The following FLVCR2 variants were observed in gnomAD, a reference collection of about 807,000 sequenced individuals.
FLVCR2 encodes FLVCR choline and putative heme transporter 2.
In FLVCR2, 38 loss-of-function variants were observed where a neutral mutation model predicts 48.9. The observed-to-expected ratio is 0.78, with a 90% CI of 0.60 to 1.02. The LOEUF (loss-of-function observed/expected upper bound fraction) is 1.02, where lower values mean the gene tolerates loss of function less well. Among genes scored for constraint, FLVCR2 ranks in the 50% least tolerant of loss-of-function variants. The pLI, the probability that FLVCR2 is intolerant of heterozygous loss-of-function variation, is 0.00. For synonymous variants in FLVCR2, 255 were observed against 257.0 expected (o/e 0.99, Z 0.07); for missense variants, 664 against 663.3 (o/e 1.00, Z -0.01).
intron 6 of FLVCR2, among the ~76,000 whole-genome samples, 162 bp downstream of exon 6, chr14:75,639,624 C>T (rs1890259099): frequency 6.6e-6 from 1 of 152,112 alleles, no homozygotes; most frequent in Non-Finnish European, 1.5e-5. Flanking sequence ...GTAGTACTTC[C>T]AAAGGCAGCC....
Position 75,646,549 on chromosome 14 carries a change from G to A in FLVCR2, c.*77G>A. On this transcript the variant is annotated 3_prime_UTR_variant, in exon 10 of 10. Coordinates refer to ENST00000238667, the MANE Select transcript of FLVCR2 (RefSeq NM_017791.3). ...GCACAGCTCTCACCGCCAGCACAAA[G>A]GGCTTCGCTAGAGATGTTTTTGGAG... 9.7e-7 allele frequency: 1 copy of A among 1,032,786 alleles called. No homozygotes were observed. The highest frequency in any genetic ancestry group is 1.6e-5 in the African/African-American group (1 of 63,744). 64.0% of individuals were successfully genotyped at this position (1,032,786 alleles called of 1,614,324 possible).
chr14:75,596,285 A>G (rs1278824445), intron 1 of FLVCR2: 2 of 498,438 alleles, frequency 4.0e-6, no homozygotes, highest in African/African-American at 1.9e-5. Context: ...GCATTGGAGG[A>G]GAGTAGACAA....
At chr14:75,623,876 CCT>C (rs1292577256) in intron 2 of FLVCR2, among the ~76,000 whole-genome samples, 1 of 152,020 alleles carries the variant, frequency 6.6e-6, no homozygotes, top group African/African-American at 2.4e-5. Flanking sequence ...AATAGTGAAA[CCT>C]CGTCTCTACT....
chr14:75,646,826 A>G lies in FLVCR2; in HGVS notation c.*354A>G. The G allele has an allele frequency of 5.7e-6, 2 of 351,648 alleles. No homozygotes were observed. Among genetic ancestry groups the G allele is most frequent in the South Asian group, 4.7e-5 (2 of 42,414 alleles). The allele number at this position is 351,648 out of a possible 1,614,324, so 21.8% of individuals were successfully genotyped here. A position where few individuals can be genotyped will look rare whatever the true frequency, so the allele number is the denominator to read the frequency against. The stretch of plus-strand genomic sequence containing the variant: ...CGTGGACAATGCCTGCAAAATTTTC[A>G]CAGGAAGAAAGCCTATTCAGGATAT... On this transcript the variant is annotated 3_prime_UTR_variant, in exon 10 of 10. Coordinates refer to ENST00000238667, the MANE Select transcript of FLVCR2 (RefSeq NM_017791.3).
chr14:75,640,783 G>T, intron 6 of FLVCR2, 172 bp from the exon 7 acceptor site: 1 of 662,798 alleles, frequency 1.5e-6, no homozygotes, highest in East Asian at 2.7e-5. Context: ...CTTCAGGGGT[G>T]CCCGTCTCCT....
rs572536515 is a variant in FLVCR2, at chr14:75,585,755, G to A, written c.669+6114G>A. ...AACACCAAGGGAAGGCTGCCTTCCC[G>A]AGTCCATGACCGGTGCCGGAGTTTT... On this transcript the variant is annotated intron_variant, in intron 1 of 9. Transcript: ENST00000238667. Among the ~76,000 whole-genome samples the A allele has an allele frequency of 3.9e-5, 6 of 152,318 alleles. 1 individual carries two copies. In the South Asian group the frequency reaches 6.2e-4, roughly 16 times the overall value.
At chr14:75,613,692 A>G (rs1406697302) in intron 1 of FLVCR2, among the ~76,000 whole-genome samples, 2 of 152,108 alleles carry the variant, frequency 1.3e-5, no homozygotes, top group Non-Finnish European at 2.9e-5. Context: ...CTGGGATTAC[A>G]GGTGCACATC....
At chr14:75,623,606 A>C (rs144192206) in intron 2 of FLVCR2, among the ~76,000 whole-genome samples, 238 of 151,962 alleles carry the variant, frequency 1.6e-3, no homozygotes, top group African/African-American at 5.5e-3. Context: ...ATCCAGGATG[A>C]GAAAGCTTTT....
At chr14:75,583,860 G>A (rs1192746909) in intron 1 of FLVCR2, among the ~76,000 whole-genome samples, 1 of 152,178 alleles carries the variant, frequency 6.6e-6, no homozygotes, top group African/African-American at 2.4e-5. Context: ...GGATGGACTT[G>A]CCCTCCACTG....
chr14:75,644,157 C>T (rs1890364666), intron 9 of FLVCR2, among the ~76,000 whole-genome samples: 2 of 149,176 alleles, frequency 1.3e-5, no homozygotes, highest in Non-Finnish European at 3.0e-5. Context: ...ATAAGATTTG[C>T]TGTGTTGACT....
Position 75,622,233 on chromosome 14 carries a change from G to A in FLVCR2, c.811+13G>A, listed in dbSNP as rs758949771. 1 of 1,613,772 alleles carries A rather than the reference G, an allele frequency of 6.2e-7. No homozygotes were observed. The highest frequency in any genetic ancestry group is 8.5e-7 in the Non-Finnish European group (1 of 1,179,662). Reference sequence around the variant, plus strand: ...CTTGTCATCATTGGTAAGGTCATTAGTAAACAGATGGGGTAGCAGGGGGCG... The same window carrying A: ...CTTGTCATCATTGGTAAGGTCATTAATAAACAGATGGGGTAGCAGGGGGCG... On this transcript the variant is annotated intron_variant, in intron 2 of 9. Coordinates refer to ENST00000238667, the MANE Select transcript of FLVCR2 (RefSeq NM_017791.3).
chr14:75,601,161 G>A (rs1774537975), intron 1 of FLVCR2, among the ~76,000 whole-genome samples: 2 of 152,260 alleles, frequency 1.3e-5, no homozygotes, highest in African/African-American at 4.8e-5. Flanking sequence ...TCCCATATGG[G>A]AAATGAAGGG....
chr14:75,580,130 G>A (rs898550245), intron 1 of FLVCR2, among the ~76,000 whole-genome samples: 1 of 152,206 alleles, frequency 6.6e-6, no homozygotes, highest in African/African-American at 2.4e-5. Flanking sequence ...ACACACAGCT[G>A]AAGCCAGGAC....
chr14:75,614,537 G>A (rs1889558401), intron 1 of FLVCR2, among the ~76,000 whole-genome samples: 2 of 152,200 alleles, frequency 1.3e-5, no homozygotes, highest in South Asian at 4.1e-4. Context: ...GATAACTTGG[G>A]ATAAAGGTAT....
At chr14:75,608,496 G>C (rs1218229621) in intron 1 of FLVCR2, among the ~76,000 whole-genome samples, 3 of 152,170 alleles carry the variant, frequency 2.0e-5, no homozygotes, top group Non-Finnish European at 4.4e-5. Flanking sequence ...TAGGAAAATG[G>C]CTGTGGTGGC....
Position 75,624,683 on chromosome 14 carries a change from G to C in FLVCR2, c.883G>C (p.Ala295Pro), listed in dbSNP as rs1382772138. Residue 295 changes from alanine (A) to proline (P), a missense_variant, in exon 3 of 10, where the codon GCC becomes CCC. Physicochemically the swap from Ala to Pro is conservative, Grantham distance 27. Coordinates refer to ENST00000238667, the MANE Select transcript of FLVCR2 (RefSeq NM_017791.3). ...SLSYALTSPD[A>P]SYLGSIARLF... ...GAGCTATGCCTTGACCTCTCCTGAT[G>C]CCTCATACTTAGGTTCCATCGCCCG... The C allele has an allele frequency of 6.2e-7, 1 of 1,613,958 alleles. No homozygotes were observed. Among genetic ancestry groups the C allele is most frequent in the Non-Finnish European group, 8.5e-7 (1 of 1,180,018 alleles).
intron 1 of FLVCR2, among the ~76,000 whole-genome samples, chr14:75,609,532 T>C (rs1889384134): frequency 6.6e-6 from 1 of 152,224 alleles, no homozygotes; most frequent in African/African-American, 2.4e-5. Context: ...TGAGGCAAGC[T>C]TAGTTAACTT....
At chr14:75,645,992 GGAA>G in intron 9 of FLVCR2, among the ~76,000 whole-genome samples, 1 of 152,046 alleles carries the variant, frequency 6.6e-6, no homozygotes, top group South Asian at 2.1e-4. Context: ...AAATTCCAAG[GGAA>G]TCGCAGACCT....
At position 75,646,483 on chromosome 14, in the gene FLVCR2, G is replaced by T; in HGVS notation, c.*11G>T. 1 of 1,605,638 alleles carries T rather than the reference G, an allele frequency of 6.2e-7. No individual in the cohort carries two copies. The highest frequency in any genetic ancestry group is 1.7e-4 in the Middle Eastern group (1 of 6,052). ...GAGGATCATCTCTGAGAGGAAGGTG[G>T]TGACAACTCAGGGAACACGAACACC... On this transcript the variant is annotated 3_prime_UTR_variant, in exon 10 of 10. Transcript: ENST00000238667.
Sources: allele counts gnomAD v4.1 joint callset (sites outside exome capture counted in the v4.1 genomes callset), GRCh38; gene constraint gnomAD v4.1.1; transcripts MANE v1.5; gene names NCBI Gene and HGNC (gene_info 2026-07-23, HGNC 2026-07-21).